Variants in DNAAF9 observed in about 807,000 individuals in gnomAD.
The protein encoded by DNAAF9 is dynein axonemal assembly factor 9.
A neutral mutation model predicts 167.0 loss-of-function variants in DNAAF9; 90 were observed. The observed-to-expected ratio is 0.54, with a 90% CI of 0.45 to 0.64. The LOEUF is 0.64. Among genes scored for constraint, DNAAF9 ranks in the 30% least tolerant of loss-of-function variants. The pLI is 0.00. For synonymous variants in DNAAF9, 491 were observed against 508.8 expected (o/e 0.96, Z 0.47); for missense variants, 1,315 against 1,442.2 (o/e 0.91, Z 1.43).
chr20:3,287,625 T>A lies in DNAAF9; in HGVS notation c.2486+7A>T. 1 of 1,614,002 alleles carries A rather than the reference T, an allele frequency of 6.2e-7. No individual in the cohort carries two copies. On this transcript the variant is annotated splice_region_variant and intron_variant, in intron 27 of 36. Transcript: ENST00000252032. ...TCGACTGTTTCCAGGAGACTTCCAA[T>A]GCTCACCCTTGTAACACCACCAGCA...
At chr20:3,345,740 G>GA (rs531837892) in intron 8 of DNAAF9, among the ~76,000 whole-genome samples, 2,931 of 152,100 alleles carry the variant, frequency 0.019, 40 homozygotes, top group Non-Finnish European at 0.029. Context: ...TGCATGGCAA[G>GA]AAAAAAACCC....
At chr20:3,322,365 C>T (rs373536590) in intron 15 of DNAAF9, 103 bp from the exon 16 acceptor site, 105 of 932,448 alleles carry the variant, frequency 1.1e-4, no homozygotes, top group Non-Finnish European at 1.7e-4. Flanking sequence ...GTCATAGATT[C>T]GGATTGCTCT....
chr20:3,280,391 C>T (rs980521603), intron 28 of DNAAF9, among the ~76,000 whole-genome samples: 24 of 151,948 alleles, frequency 1.6e-4, no homozygotes, highest in Admixed American at 1.3e-3. Context: ...AGAGAAACCC[C>T]GTCTCTACTA....
intron 33 of DNAAF9, 28 bp from the exon 34 acceptor site, chr20:3,256,239 G>A: frequency 6.6e-7 from 1 of 1,511,392 alleles, no homozygotes; most frequent in African/African-American, 1.4e-5. Context: ...ATTAGTCCCT[G>A]AGAGCCTGCC....
intron 8 of DNAAF9, among the ~76,000 whole-genome samples, chr20:3,347,952 T>C (rs1037973659): frequency 3.9e-5 from 6 of 151,910 alleles, no homozygotes; most frequent in South Asian, 2.1e-4. Context: ...CAAAGATCAA[T>C]TCCAGCTCCA....
chr20:3,327,859 T>C (rs1180998778), intron 12 of DNAAF9, among the ~76,000 whole-genome samples: 1 of 152,164 alleles, frequency 6.6e-6, no homozygotes, highest in African/African-American at 2.4e-5. Flanking sequence ...AGTATCAACA[T>C]ATCCTGAAGA....
At chr20:3,268,897 CTTTTTTTTTTT>C (rs386393120) in intron 30 of DNAAF9, among the ~76,000 whole-genome samples, 4 of 85,850 alleles carry the variant, frequency 4.7e-5, no homozygotes, top group South Asian at 3.8e-4. Flanking sequence ...CTCTATGTTA[CTTTTTTTTTTT>C]TTTTTTTTTT....
intron 14 of DNAAF9, among the ~76,000 whole-genome samples, chr20:3,323,621 C>CTA (rs1221109101): frequency 6.6e-6 from 1 of 152,118 alleles, no homozygotes; most frequent in African/African-American, 2.4e-5. Context: ...GGGAGGGGCT[C>CTA]TAGGTGGAAG....
At chr20:3,376,699 G>A (rs6084355) in intron 3 of DNAAF9, among the ~76,000 whole-genome samples, 112,790 of 152,096 alleles carry the variant, frequency 0.74, 42,051 homozygotes, top group African/African-American at 0.82. Flanking sequence ...GGGTCCTTTC[G>A]TGTCATATAG....
intron 3 of DNAAF9, among the ~76,000 whole-genome samples, chr20:3,379,384 C>T (rs1286689580): frequency 6.8e-6 from 1 of 147,904 alleles, no homozygotes; most frequent in Non-Finnish European, 1.5e-5. Flanking sequence ...CCAAGGCAAG[C>T]GGAGTTCAAG....
At chr20:3,367,822 C>G (rs955434268) in intron 6 of DNAAF9, among the ~76,000 whole-genome samples, 1 of 150,374 alleles carries the variant, frequency 6.7e-6, no homozygotes, top group Admixed American at 6.6e-5. Flanking sequence ...TACCAAAATG[C>G]GACACAGAGA....
intron 23 of DNAAF9, chr20:3,296,244 G>T: frequency 2.1e-6 from 1 of 475,968 alleles, no homozygotes; most frequent in South Asian, 1.6e-5. Context: ...ACTCTACCCG[G>T]GGTGACAGAG....
chr20:3,384,195 C>T (rs1355371263), intron 1 of DNAAF9: 1 of 152,164 alleles, frequency 6.6e-6, no homozygotes, highest in Admixed American at 6.5e-5. Context: ...CATAGTCTTC[C>T]ATGTGATATC....
intron 7 of DNAAF9, among the ~76,000 whole-genome samples, chr20:3,350,140 GACACACAGACACACAGACAC>G (rs1318341448): frequency 4.3e-5 from 5 of 115,702 alleles, no homozygotes; most frequent in Admixed American, 8.7e-5. Flanking sequence ...CAGACACACA[GACACACAGACACACAGACAC>G]ACACACACAC....
At chr20:3,337,824 T>C (rs2069992559) in intron 10 of DNAAF9, among the ~76,000 whole-genome samples, 1 of 152,008 alleles carries the variant, frequency 6.6e-6, no homozygotes, top group Non-Finnish European at 1.5e-5. Flanking sequence ...CTCATCTACA[T>C]GCTGTAATCA....
intron 26 of DNAAF9, 125 bp from the exon 27 acceptor site, chr20:3,287,915 G>A: frequency 2.3e-6 from 2 of 856,928 alleles, no homozygotes; most frequent in Non-Finnish European, 3.7e-6. Context: ...CCATTCAGGA[G>A]AAAGCCATCT....
chr20:3,267,211 T>C (rs1383569762), intron 30 of DNAAF9, among the ~76,000 whole-genome samples: 1 of 152,222 alleles, frequency 6.6e-6, no homozygotes, highest in African/African-American at 2.4e-5. Context: ...TTATAATTCA[T>C]AGTTCCAGTA....
chr20:3,405,756 A>AT (rs563443840), intron 1 of DNAAF9, among the ~76,000 whole-genome samples: 29 of 152,278 alleles, frequency 1.9e-4, no homozygotes, highest in Non-Finnish European at 2.1e-4. Context: ...GGTAGAGATG[A>AT]TTTTTTTCCC....
chr20:3,378,471 A>G (rs960276197), intron 3 of DNAAF9, among the ~76,000 whole-genome samples: 1 of 152,186 alleles, frequency 6.6e-6, no homozygotes, highest in Non-Finnish European at 1.5e-5. Context: ...GAAGTAAATA[A>G]AGCAATCCCA....
Sources: gnomAD v4.1 joint callset for allele counts (sites outside exome capture counted in the v4.1 genomes callset) on GRCh38, gnomAD v4.1.1 for gene constraint, MANE v1.5 for transcripts, NCBI Gene and HGNC (gene_info 2026-07-23, HGNC 2026-07-21) for gene names.